TRPA1: variants seen among roughly 807,000 people sequenced by gnomAD.
The protein encoded by TRPA1 is transient receptor potential cation channel subfamily A member 1.
In TRPA1, 129 loss-of-function variants were observed where a neutral mutation model predicts 131.3. That is an observed-to-expected ratio of 0.98 (90% confidence interval 0.85 to 1.14). The LOEUF (loss-of-function observed/expected upper bound fraction) is 1.14. Among genes scored for constraint, TRPA1 ranks in the 50% most tolerant of loss-of-function variants. The pLI is 0.00. For missense variants in TRPA1, 1,304 were observed against 1,354.2 expected, an observed-to-expected ratio of 0.96 and a Z score of 0.58; for synonymous variants, 441 against 451.7, an observed-to-expected ratio of 0.98 and a Z score of 0.30.
At position 72,061,674 on chromosome 8, in the gene TRPA1, C is replaced by T. The variant is rs35703015; in HGVS notation, c.895G>A (p.Val299Met). ...CCATCGGTTGTGTTAACAATATCCACGCTACCAGAATAGGACGATATCATC... is the reference window on the plus strand; with the variant it reads ...CCATCGGTTGTGTTAACAATATCCATGCTACCAGAATAGGACGATATCATC... ...KLMISSYSGS[V>M]DIVNTTDGCH... Residue 299 changes from valine to methionine, a missense_variant, in exon 7 of 27, where the codon GTG becomes ATG. By Grantham distance (21) the Val-to-Met change is conservative. Transcript: ENST00000262209. The T allele has an allele frequency of 0.012, 18,785 of 1,613,986 alleles. 187 individuals carry two copies. Among genetic ancestry groups the T allele is most frequent in the Middle Eastern group, 0.027 (166 of 6,062 alleles).
At chr8:72,045,116 T>A (rs1025661693) in intron 17 of TRPA1, among the ~76,000 whole-genome samples, 3 of 151,982 alleles carry the variant, frequency 2.0e-5, no homozygotes, top group African/African-American at 7.2e-5. Context: ...GGGCTATTGA[T>A]TATGAACTAT....
chr8:72,039,758 G>T lies in TRPA1; in HGVS notation c.2101C>A (p.Pro701Thr), dbSNP rs746493988. 2 of 1,609,936 alleles carry T rather than the reference G, an allele frequency of 1.2e-6. No homozygotes were observed. Among genetic ancestry groups the T allele is most frequent in the Non-Finnish European group, 1.7e-6 (2 of 1,176,950 alleles). Reference sequence around the variant, plus strand: ...ATGAGTAAATATTCTTTACACACAGGATGATTGAGAAGCTCTATGCGGTTA... The same window carrying T: ...ATGAGTAAATATTCTTTACACACAGTATGATTGAGAAGCTCTATGCGGTTA... Reference protein sequence around the residue: ...QNNRIELLNHPVCKEYLLMKW... With the variant: ...QNNRIELLNHTVCKEYLLMKW... Residue 701 changes from proline (P) to threonine (T), a missense_variant, in exon 18 of 27, where the codon CCT becomes ACT. Transcript: ENST00000262209.
the TRPA1 span, among the ~76,000 whole-genome samples, chr8:72,084,314 T>A: frequency 2.7e-5 from 4 of 147,218 alleles, no homozygotes; most frequent in Non-Finnish European, 4.4e-5. Flanking sequence ...TAAACATTTT[T>A]AAAAATGTAT....
Position 72,052,615 on chromosome 8 carries a change from T to C in TRPA1, c.1795A>G (p.Ile599Val), listed in dbSNP as rs145600263. The change falls in exon 14 of 27, where the codon ATC becomes GTC. Residue 599 changes from isoleucine (I) to valine (V), a missense_variant. Physicochemically the swap from Ile to Val is conservative, Grantham distance 29. Coordinates refer to ENST00000262209, the MANE Select transcript of TRPA1 (RefSeq NM_007332.3). ...HNKRKEVVLT[I>V]IRSKRWDECL... ...ACAGTGTACCTTTTGCTCCTGATGATCGTAAGAACAACCTCCTTCCTCTTA... is the reference window on the plus strand; with the variant it reads ...ACAGTGTACCTTTTGCTCCTGATGACCGTAAGAACAACCTCCTTCCTCTTA... 2 of 1,613,480 alleles carry C rather than the reference T, an allele frequency of 1.2e-6. No individual in the cohort carries two copies. Among genetic ancestry groups the C allele is most frequent in the Non-Finnish European group, 8.5e-7 (1 of 1,179,696 alleles).
chr8:72,047,914 A>G (rs1805388324), intron 15 of TRPA1, among the ~76,000 whole-genome samples: 3 of 151,966 alleles, frequency 2.0e-5, no homozygotes, highest in African/African-American at 7.2e-5. Context: ...CTTAATCAAG[A>G]TTTTTCATCC....
At chr8:72,057,873 A>G in intron 8 of TRPA1, 57 bp from the exon 9 acceptor site, 2 of 1,285,192 alleles carry the variant, frequency 1.6e-6, no homozygotes, top group East Asian at 2.4e-5. Context: ...ATCATAATAT[A>G]TTGTAATCTC....
Position 72,053,756 on chromosome 8 carries a change from G to T in TRPA1, c.1641C>A (p.Asp547Glu). 6.2e-7 allele frequency: 1 copy of T among 1,610,702 alleles called. No homozygotes were observed. The highest frequency in any genetic ancestry group is 1.1e-5 in the South Asian group (1 of 90,804). The change falls in exon 13 of 27, where the codon GAC becomes GAA. Residue 547 changes from aspartate to glutamate, a missense_variant. Physicochemically the swap from Asp to Glu is conservative, Grantham distance 45 (BLOSUM62 2). Coordinates refer to ENST00000262209, the MANE Select transcript of TRPA1 (RefSeq NM_007332.3). ...GCATGAGGACCGCAGTACATACCCC[G>T]TCTTCATCCAGGCGATCTGTGCACT... Reference protein sequence around the residue: ...NLKCTDRLDEDGNTALHFAAR... With the variant: ...NLKCTDRLDEEGNTALHFAAR...
Position 72,025,955 on chromosome 8 carries a change from C to G in TRPA1, c.3051+5G>C. 1 of 1,606,604 alleles carries G rather than the reference C, an allele frequency of 6.2e-7. No homozygotes were observed. Among genetic ancestry groups the G allele is most frequent in the South Asian group, 1.1e-5 (1 of 90,854 alleles). On this transcript the variant is annotated splice_donor_5th_base_variant and intron_variant, in intron 25 of 26. Coordinates refer to ENST00000262209, the MANE Select transcript of TRPA1 (RefSeq NM_007332.3). ...CTGATGTTGTTATTTGTTATGTGTA[C>G]TTACGAATAACATCCCACCAGATCT...
At chr8:72,087,660 T>A in the TRPA1 span, among the ~76,000 whole-genome samples, 3 of 150,758 alleles carry the variant, frequency 2.0e-5, no homozygotes, top group African/African-American at 7.3e-5. Context: ...TTTAATTGCA[T>A]GAAGAAAGTT....
intron 25 of TRPA1, 98 bp from the exon 26 acceptor site, chr8:72,024,009 C>A (rs1024987915): frequency 5.7e-5 from 44 of 774,842 alleles, no homozygotes; most frequent in Non-Finnish European, 9.6e-5. Context: ...TACCAATATG[C>A]ATAAGGCATA....
the TRPA1 span, among the ~76,000 whole-genome samples, chr8:72,089,594 T>C: frequency 2.0e-5 from 3 of 152,126 alleles, no homozygotes; most frequent in Admixed American, 2.0e-4. Context: ...GTTTCAAAAA[T>C]ATACTAATTT....
intron 6 of TRPA1, among the ~76,000 whole-genome samples, chr8:72,062,015 C>T (rs1394156205): frequency 6.6e-6 from 1 of 152,182 alleles, no homozygotes. Context: ...ACACTTCCAC[C>T]ATTACTGTCT....
chr8:72,023,240 C>T (rs747403969), intron 26 of TRPA1, 124 bp from the exon 27 acceptor site: 79 of 765,556 alleles, frequency 1.0e-4, no homozygotes, highest in Non-Finnish European at 1.6e-4. Flanking sequence ...GTTTTAACCT[C>T]GGTAGTCACA....
intron 18 of TRPA1, 137 bp from the exon 19 acceptor site, chr8:72,039,164 C>A: frequency 1.2e-6 from 1 of 840,898 alleles, no homozygotes; most frequent in Non-Finnish European, 1.9e-6. Context: ...TCAAGTAAAT[C>A]TTCTAATTCA....
Position 72,057,032 on chromosome 8 carries a change from T to C in TRPA1, c.1094-15A>G, listed in dbSNP as rs778734674. The C allele has an allele frequency of 7.8e-6, 12 of 1,540,110 alleles. No individual in the cohort carries two copies. In the East Asian group the frequency reaches 2.3e-4, roughly 30 times the overall value. ...TACTTGGGCACCTAAAAAAAAACAC[T>C]ATGTAAATATAAATTCTATTCATTT... On this transcript the variant is annotated splice_polypyrimidine_tract_variant and intron_variant, in intron 9 of 26. Transcript: ENST00000262209.
In TRPA1 at chr8:72,033,495, G is replaced by A. The variant is rs2129433303; in HGVS notation, c.2868+149C>T. On this transcript the variant is annotated intron_variant, in intron 23 of 26. Coordinates refer to ENST00000262209, the MANE Select transcript of TRPA1 (RefSeq NM_007332.3). The stretch of plus-strand genomic sequence containing the variant: ...CTCTTGATGTGCCTGGTGCTCCCCA[G>A]GCACCAAGTGAGTGTTGAACGAATA... 5.3e-6 allele frequency: 4 copies of A among 753,548 alleles called. No homozygotes were observed. The South Asian group carries it at 7.3e-5, about 14-fold the overall frequency. The allele number at this position is 753,548 out of a possible 1,614,324, so 46.7% of individuals were successfully genotyped here. A position where few individuals can be genotyped will look rare whatever the true frequency, so the allele number is the denominator to read the frequency against.
Position 72,046,580 on chromosome 8 carries a change from C to T in TRPA1, c.1994G>A (p.Cys665Tyr). ...TGTTTTTTTGGTGAATTCTAATGGA[C>T]ATTGAAGATATTTGAAATTATACTC... The part of the protein sequence containing the change: ...YIEYNFKYLQ[C>Y]PLEFTKKTPT... The change falls in exon 17 of 27, where the codon TGT becomes TAT. Residue 665 changes from cysteine to tyrosine, a missense_variant. By Grantham distance (194) the Cys-to-Tyr change is radical. Coordinates refer to ENST00000262209, the MANE Select transcript of TRPA1 (RefSeq NM_007332.3). The T allele has an allele frequency of 6.3e-7, 1 of 1,593,448 alleles. No homozygotes were observed. Among genetic ancestry groups the T allele is most frequent in the Non-Finnish European group, 8.6e-7 (1 of 1,165,096 alleles).
intron 7 of TRPA1, among the ~76,000 whole-genome samples, chr8:72,060,766 G>A (rs1805788760): frequency 6.6e-6 from 1 of 151,912 alleles, no homozygotes; most frequent in Non-Finnish European, 1.5e-5. Context: ...CATTCTAAGA[G>A]GGAGTTCCTT....
At chr8:72,064,401 A>C (rs1805881550) in intron 4 of TRPA1, among the ~76,000 whole-genome samples, 1 of 151,980 alleles carries the variant, frequency 6.6e-6, no homozygotes. Flanking sequence ...TTGCAAGGAA[A>C]CCAGACTTTA....
Sources: allele counts gnomAD v4.1 joint callset (sites outside exome capture counted in the v4.1 genomes callset), GRCh38; gene constraint gnomAD v4.1.1; transcripts MANE v1.5; gene names NCBI Gene and HGNC (gene_info 2026-07-23, HGNC 2026-07-21).